SLC16A10: variants seen among roughly 807,000 people sequenced by gnomAD.
SLC16A10 encodes the protein monocarboxylate transporter 10.
SLC16A10 carries 27 observed loss-of-function variants against 40.0 expected under a neutral mutation model. The ratio of observed to expected loss-of-function variants is 0.67; its 90% CI spans 0.50 to 0.93. SLC16A10 has a LOEUF of 0.93. SLC16A10 is among the 40% of genes least tolerant of loss of function. The pLI is 0.00. For missense variants in SLC16A10, 529 were observed against 658.2 expected, an observed-to-expected ratio of 0.80 and a Z score of 2.15; for synonymous variants, 213 against 249.8, an observed-to-expected ratio of 0.85 and a Z score of 1.39.
intron 1 of SLC16A10, among the ~76,000 whole-genome samples, chr6:111,149,578 T>G (rs1409101966): frequency 6.6e-6 from 1 of 152,218 alleles, no homozygotes; most frequent in African/African-American, 2.4e-5. Flanking sequence ...CAGTATAAAA[T>G]ATCAGATTTC....
Position 111,202,884 on chromosome 6 carries a change from CAAAAAAAAAAAAAAAA to C in SLC16A10, c.943-3686_943-3671del, listed in dbSNP as rs567667458. On this transcript the variant is annotated intron_variant, in intron 3 of 5. Coordinates refer to ENST00000368851, the MANE Select transcript of SLC16A10 (RefSeq NM_018593.5). ...CCTGGGTGACAGAGTGAGACTCCAT[CAAAAAAAAAAAAAAAA>C]AAAAAAAAAAAAAAAAAAAAAGATG... Among the ~76,000 whole-genome samples the C allele has an allele frequency of 3.7e-4, 32 of 86,316 alleles. 2 individuals carry two copies. The highest frequency in any genetic ancestry group is 2.4e-3 in the South Asian group (6 of 2,498). 56.6% of individuals were successfully genotyped at this position (86,316 alleles called of 152,430 possible). A position where few individuals can be genotyped will look rare whatever the true frequency, so the allele number is the denominator to read the frequency against.
chr6:111,228,365 C>T lies in SLC16A10; in HGVS notation c.*6130C>T, dbSNP rs1771045684. 1 of 152,114 alleles carries T rather than the reference C, an allele frequency of 6.6e-6. No individual in the cohort carries two copies. The highest frequency in any genetic ancestry group is 1.5e-5 in the Non-Finnish European group (1 of 68,024). The allele number at this position is 152,114 out of a possible 1,614,324, so 9.4% of individuals were successfully genotyped here. A position where few individuals can be genotyped will look rare whatever the true frequency, so the allele number is the denominator to read the frequency against. ...CACTGGAGTTTTTTAAAATGCTGTTCTTGAGTGTGGCAATAGTGTAGGAGT... is the reference window on the plus strand; with the variant it reads ...CACTGGAGTTTTTTAAAATGCTGTTTTTGAGTGTGGCAATAGTGTAGGAGT... On this transcript the variant is annotated 3_prime_UTR_variant, in exon 6 of 6. Transcript: ENST00000368851.
intron 3 of SLC16A10, among the ~76,000 whole-genome samples, chr6:111,182,596 T>A (rs1221660499): frequency 1.3e-5 from 2 of 152,096 alleles, no homozygotes; most frequent in African/African-American, 2.4e-5. Flanking sequence ...GGTCCAGACC[T>A]TTTCCCTGAA....
intron 1 of SLC16A10, among the ~76,000 whole-genome samples, chr6:111,115,027 A>G (rs536420970): frequency 6.9e-4 from 105 of 151,490 alleles, no homozygotes; most frequent in Non-Finnish European, 1.2e-3. Flanking sequence ...AGTGGATTCT[A>G]TTTTTTTTAA....
chr6:111,177,714 A>ATAGT, intron 3 of SLC16A10, 49 bp downstream of exon 3: 1 of 1,436,692 alleles, frequency 7.0e-7, no homozygotes, highest in Non-Finnish European at 9.2e-7. Flanking sequence ...TAATAAAGAA[A>ATAGT]AACTTCTTTG....
intron 1 of SLC16A10, among the ~76,000 whole-genome samples, chr6:111,146,892 T>C (rs1421812619): frequency 6.6e-6 from 1 of 152,176 alleles, no homozygotes; most frequent in South Asian, 2.1e-4. Flanking sequence ...GAAGTACTGA[T>C]ACATGATCCA....
In SLC16A10 at chr6:111,229,406, G is replaced by A. The variant is rs1562441447; in HGVS notation, c.*7171G>A. ...GTTCTAATGAACACAACCTCCCAAG[G>A]TAATAATTTTAAAGAAAAAGTCCCT... On this transcript the variant is annotated 3_prime_UTR_variant, in exon 6 of 6. Coordinates refer to ENST00000368851, the MANE Select transcript of SLC16A10 (RefSeq NM_018593.5). 1 of 152,032 alleles carries A rather than the reference G, an allele frequency of 6.6e-6. No homozygotes were observed. 9.4% of individuals were successfully genotyped at this position (152,032 alleles called of 1,614,324 possible).
intron 3 of SLC16A10, among the ~76,000 whole-genome samples, chr6:111,187,478 C>G (rs1772918557): frequency 6.6e-6 from 1 of 152,126 alleles, no homozygotes; most frequent in Non-Finnish European, 1.5e-5. Context: ...GCACTCCTCC[C>G]CCTGCCCTAC....
chr6:111,125,573 C>T (rs1376095550), intron 1 of SLC16A10, among the ~76,000 whole-genome samples: 2 of 152,158 alleles, frequency 1.3e-5, no homozygotes, highest in African/African-American at 2.4e-5. Flanking sequence ...TTTTTCTAGA[C>T]AGTCTGAATA....
At position 111,226,665 on chromosome 6, in the gene SLC16A10, G is replaced by T. The variant is rs1390424321; in HGVS notation, c.*4430G>T. The T allele has an allele frequency of 6.6e-6, 1 of 152,096 alleles. No homozygotes were observed. The highest frequency in any genetic ancestry group is 1.9e-4 in the East Asian group (1 of 5,200). The allele number at this position is 152,096 out of a possible 1,614,324, so 9.4% of individuals were successfully genotyped here. ...TCTATATGTTTTTATAATTTGAAAG[G>T]CAAGTAGTATCTTGGTGAATAAGAA... is the stretch of plus-strand genomic sequence containing the variant. On this transcript the variant is annotated 3_prime_UTR_variant, in exon 6 of 6. Transcript: ENST00000368851.
intron 4 of SLC16A10, among the ~76,000 whole-genome samples, chr6:111,215,347 A>T (rs1773403280): frequency 6.6e-6 from 1 of 151,728 alleles, no homozygotes; most frequent in Non-Finnish European, 1.5e-5. Flanking sequence ...ACACTAACTA[A>T]GTATAAAATT....
At chr6:111,189,852 A>C (rs1772960569) in intron 3 of SLC16A10, among the ~76,000 whole-genome samples, 1 of 152,174 alleles carries the variant, frequency 6.6e-6, no homozygotes, top group Admixed American at 6.5e-5. Flanking sequence ...CTACAATTCA[A>C]GATGAAATTT....
chr6:111,155,197 CTTT>C lies in SLC16A10; in HGVS notation c.344-17483_344-17481del, dbSNP rs33948560. ...TTAAATATCACTGCTTTCAACAGGA[CTTT>C]TTTTTTTTTTTTTTGAAACAGGATC... is the stretch of plus-strand genomic sequence containing the variant. On this transcript the variant is annotated intron_variant, in intron 1 of 5. Transcript: ENST00000368851. 3.2e-3 allele frequency among the ~76,000 whole-genome samples: 383 copies of C among 119,166 alleles called. 2 individuals are homozygous for C. The highest frequency in any genetic ancestry group is 0.011 in the African/African-American group (337 of 32,070). The allele number at this position is 119,166 out of a possible 152,430, so 78.2% of individuals were successfully genotyped here. A position where few individuals can be genotyped will look rare whatever the true frequency, so the allele number is the denominator to read the frequency against.
chr6:111,124,306 T>TA (rs576081876), intron 1 of SLC16A10, among the ~76,000 whole-genome samples: 9,706 of 143,850 alleles, frequency 0.067, 731 homozygotes, highest in African/African-American at 0.19. Flanking sequence ...TACTTATAGT[T>TA]AAAAAAAAAA....
At chr6:111,163,343 G>A (rs921081604) in intron 1 of SLC16A10, among the ~76,000 whole-genome samples, 3 of 151,100 alleles carry the variant, frequency 2.0e-5, no homozygotes, top group Admixed American at 6.6e-5. Context: ...TAGTAGAGAC[G>A]GGGTTTCACC....
intron 3 of SLC16A10, chr6:111,178,609 C>T (rs562625352): frequency 1.8e-3 from 472 of 268,788 alleles, no homozygotes; most frequent in African/African-American, 9.9e-3. Flanking sequence ...CCCCTGGCAA[C>T]GTTTGTTCAA....
chr6:111,222,267 C>A lies in SLC16A10; in HGVS notation c.*32C>A, dbSNP rs548609643. ...ACATACCTCCACCAGACTGGACTTG[C>A]TTTTTGAATTTTAAGCAAGTTTCCT... On this transcript the variant is annotated 3_prime_UTR_variant, in exon 6 of 6. Transcript: ENST00000368851. 1 of 1,547,706 alleles carries A rather than the reference C, an allele frequency of 6.5e-7. No individual in the cohort carries two copies. The highest frequency in any genetic ancestry group is 1.3e-5 in the South Asian group (1 of 77,788).
intron 3 of SLC16A10, among the ~76,000 whole-genome samples, chr6:111,182,267 C>T (rs1583348669): frequency 6.8e-6 from 1 of 147,742 alleles, no homozygotes; most frequent in East Asian, 2.0e-4. Flanking sequence ...TCCCAAAATG[C>T]TGGGATTACG....
chr6:111,202,410 C>T (rs533656792), intron 3 of SLC16A10, among the ~76,000 whole-genome samples: 104 of 151,768 alleles, frequency 6.9e-4, no homozygotes, highest in Non-Finnish European at 1.2e-3. Context: ...CCCAGGAGGT[C>T]GAGGCTGCAG....
Sources: gnomAD v4.1 joint callset for allele counts (sites outside exome capture counted in the v4.1 genomes callset) on GRCh38, gnomAD v4.1.1 for gene constraint, MANE v1.5 for transcripts, NCBI Gene and HGNC (gene_info 2026-07-23, HGNC 2026-07-21) for gene names.